Variants in SV2B observed in about 807,000 individuals in gnomAD.
SV2B encodes synaptic vesicle glycoprotein 2B.
SV2B carries 41 observed loss-of-function variants against 73.9 expected under a neutral mutation model. That is an observed-to-expected ratio of 0.56 (90% CI 0.43 to 0.72). The LOEUF is 0.72. SV2B is among the 30% of genes least tolerant of loss of function. The pLI is 0.00. For synonymous variants in SV2B, 314 were observed against 314.2 expected (o/e 1.00, Z 0.01); for missense variants, 764 against 857.8 (o/e 0.89, Z 1.37).
At chr15:91,126,619 G>T (rs2042490850) in intron 1 of SV2B, among the ~76,000 whole-genome samples, 2 of 152,122 alleles carry the variant, frequency 1.3e-5, no homozygotes, top group Non-Finnish European at 2.9e-5. Context: ...AAAAATACTA[G>T]CAAACAAAAT....
intron 1 of SV2B, among the ~76,000 whole-genome samples, chr15:91,206,544 A>G (rs977920671): frequency 6.6e-6 from 1 of 152,210 alleles, no homozygotes; most frequent in Non-Finnish European, 1.5e-5. Context: ...GATTAGAATC[A>G]GATTAAAAAC....
At chr15:91,146,763 G>T (rs2043158587) in intron 1 of SV2B, among the ~76,000 whole-genome samples, 1 of 152,130 alleles carries the variant, frequency 6.6e-6, no homozygotes, top group African/African-American at 2.4e-5. Context: ...CTCCCTCTGG[G>T]CTCTCTATGG....
chr15:91,244,825 T>C (rs547131106), intron 2 of SV2B, among the ~76,000 whole-genome samples: 6 of 152,222 alleles, frequency 3.9e-5, no homozygotes, highest in Non-Finnish European at 7.3e-5. Context: ...AGAGATGTTA[T>C]TATAGATGCA....
In SV2B at chr15:91,106,051, A is replaced by G. The variant is rs2041873744; in HGVS notation, c.-392+5688A>G. On this transcript the variant is annotated intron_variant, in intron 1 of 12. Transcript: ENST00000394232. This position sits in a 1 kb window ranked among gnomAD's most constrained non-coding sequence, Gnocchi z 4.4. Reference sequence around the variant, plus strand: ...GACAATGGATTGAGATCATGTCAAAAATAAATAAAAATAAAAAAAGATGGT... The same window carrying G: ...GACAATGGATTGAGATCATGTCAAAGATAAATAAAAATAAAAAAAGATGGT... 6.6e-6 allele frequency among the ~76,000 whole-genome samples: 1 copy of G among 152,204 alleles called. No individual in the cohort carries two copies. The highest frequency in any genetic ancestry group is 1.5e-5 in the Non-Finnish European group (1 of 68,052).
intron 1 of SV2B, among the ~76,000 whole-genome samples, chr15:91,210,030 G>T (rs2045797887): frequency 6.6e-6 from 1 of 152,094 alleles, no homozygotes; most frequent in Non-Finnish European, 1.5e-5. Context: ...ATAGAGCAGG[G>T]ATCTGTTGGA....
intron 9 of SV2B, among the ~76,000 whole-genome samples, chr15:91,272,262 C>T (rs1034176384): frequency 6.6e-6 from 1 of 152,148 alleles, no homozygotes; most frequent in African/African-American, 2.4e-5. Context: ...AATGTCAGGC[C>T]AGGCTTCCTT....
intron 6 of SV2B, among the ~76,000 whole-genome samples, chr15:91,262,311 C>G (rs2047937668): frequency 6.6e-6 from 1 of 152,174 alleles, no homozygotes; most frequent in South Asian, 2.1e-4. Context: ...AAGTGCTACA[C>G]AGACGTTAAC....
intron 1 of SV2B, among the ~76,000 whole-genome samples, chr15:91,158,710 T>TTCC (rs2043595809): frequency 1.0e-4 from 9 of 89,846 alleles, no homozygotes; most frequent in African/African-American, 1.8e-4. Flanking sequence ...TCTCCTCTCC[T>TTCC]CTCCTCTCCT....
In SV2B at chr15:91,252,657, T is replaced by A; in HGVS notation, c.784+137T>A. 1 of 926,950 alleles carries A rather than the reference T, an allele frequency of 1.1e-6. No homozygotes were observed. 57.4% of individuals were successfully genotyped at this position (926,950 alleles called of 1,614,324 possible). ...GTGACCTTGATCTTTCTTAACAACT[T>A]CTAACATTGCAGACACATTGTTAAT... On this transcript the variant is annotated intron_variant, in intron 4 of 12. Transcript: ENST00000394232. The surrounding 1 kb of genome is among the most constrained non-coding windows in gnomAD (Gnocchi z 4.6).
chr15:91,251,904 C>G lies in SV2B; in HGVS notation c.537C>G (p.Ser179Arg). 1 of 1,614,184 alleles carries G rather than the reference C, an allele frequency of 6.2e-7. No individual in the cohort carries two copies. The highest frequency in any genetic ancestry group is 8.5e-7 in the Non-Finnish European group (1 of 1,180,026). ...ADKLGRKRVL[S>R]MSLAVNASFA... The stretch of plus-strand genomic sequence containing the variant: ...AGCTGGGAAGGAAGCGAGTCCTCAG[C>G]ATGTCTCTGGCCGTCAATGCCTCCT... The change falls in exon 3 of 13, where the codon AGC becomes AGG. Residue 179 changes from serine (S) to arginine (R), a missense_variant. Transcript: ENST00000394232.
Position 91,232,527 on chromosome 15 carries a change from A to G in SV2B, c.451+5813A>G, listed in dbSNP as rs1192180696. Among the ~76,000 whole-genome samples, 2 of 152,090 alleles carry G rather than the reference A, an allele frequency of 1.3e-5. No individual in the cohort carries two copies. The highest frequency in any genetic ancestry group is 2.9e-5 in the Non-Finnish European group (2 of 68,012). Reference sequence around the variant, plus strand: ...GATAAGATGGGGCCTGTGGTTTAGGATGATCACTCTGCCCCAGTGATTTTG... The same window carrying G: ...GATAAGATGGGGCCTGTGGTTTAGGGTGATCACTCTGCCCCAGTGATTTTG... On this transcript the variant is annotated intron_variant, in intron 2 of 12. Coordinates refer to ENST00000394232, the MANE Select transcript of SV2B (RefSeq NM_001323032.3). This position sits in a 1 kb window ranked among gnomAD's most constrained non-coding sequence, Gnocchi z 4.7.
intron 9 of SV2B, among the ~76,000 whole-genome samples, chr15:91,269,124 G>A (rs139603466): frequency 1.3e-5 from 2 of 151,846 alleles, no homozygotes; most frequent in African/African-American, 4.8e-5. Flanking sequence ...AAAAAAATCA[G>A]TGGAGGATTA....
Position 91,253,439 on chromosome 15 carries a change from G to A in SV2B, c.784+919G>A, listed in dbSNP as rs547008101. Among the ~76,000 whole-genome samples, 2 of 152,312 alleles carry A rather than the reference G, an allele frequency of 1.3e-5. No individual in the cohort carries two copies. The highest frequency in any genetic ancestry group is 4.8e-5 in the African/African-American group (2 of 41,578). On this transcript the variant is annotated intron_variant, in intron 4 of 12. Coordinates refer to ENST00000394232, the MANE Select transcript of SV2B (RefSeq NM_001323032.3). This position sits in a 1 kb window ranked among gnomAD's most constrained non-coding sequence, Gnocchi z 5.0. ...CAGCTAATGGAGGCTGCATGTATATGTTTTTAAGAACAAGCTTTGGTTTAG... is the reference window on the plus strand; with the variant it reads ...CAGCTAATGGAGGCTGCATGTATATATTTTTAAGAACAAGCTTTGGTTTAG...
In SV2B at chr15:91,292,611, C is replaced by G; in HGVS notation, c.*59C>G. 6 of 1,557,896 alleles carry G rather than the reference C, an allele frequency of 3.9e-6. No homozygotes were observed. Among genetic ancestry groups the G allele is most frequent in the Non-Finnish European group, 4.3e-6 (5 of 1,152,864 alleles). On this transcript the variant is annotated 3_prime_UTR_variant, in exon 13 of 13. Transcript: ENST00000394232. ...CTTGTCCAGGACACTGAAATGCATC[C>G]ACACTTCCTGCCTATCACGGTCCGG...
Position 91,236,347 on chromosome 15 carries a change from A to G in SV2B, c.451+9633A>G, listed in dbSNP as rs143197884. Among the ~76,000 whole-genome samples, 50 of 152,328 alleles carry G rather than the reference A, an allele frequency of 3.3e-4. No individual in the cohort carries two copies. The highest frequency in any genetic ancestry group is 1.1e-3 in the African/African-American group (46 of 41,574). ...TATATTTATGCTTATATTTGCTTCC[A>G]CAATGGAAAACTTCACCAAGAACAA... is the stretch of plus-strand genomic sequence containing the variant. On this transcript the variant is annotated intron_variant, in intron 2 of 12. Transcript: ENST00000394232. This position sits in a 1 kb window ranked among gnomAD's most constrained non-coding sequence, Gnocchi z 4.1.
chr15:91,221,690 T>TGTGCACGCGC lies in SV2B; in HGVS notation c.-391-4182_-391-4181insTGCACGCGCG, dbSNP rs142861264. On this transcript the variant is annotated intron_variant, in intron 1 of 12. Transcript: ENST00000394232. ...CACCTGTGGACTATTACCAAGCATG[T>TGTGCACGCGC]GCGCACACACACACACACACACACA... Among the ~76,000 whole-genome samples, 925 of 111,038 alleles carry TGTGCACGCGC rather than the reference T, an allele frequency of 8.3e-3. 11 individuals are homozygous for TGTGCACGCGC. The highest frequency in any genetic ancestry group is 0.026 in the Middle Eastern group (5 of 194). 72.8% of individuals were successfully genotyped at this position (111,038 alleles called of 152,430 possible). A position where few individuals can be genotyped will look rare whatever the true frequency, so the allele number is the denominator to read the frequency against.
chr15:91,270,701 C>T lies in SV2B; in HGVS notation c.1373+2096C>T, dbSNP rs538242686. ...ACTCTGTCATTTTAACTTTGCTCAG[C>T]TTCTCCGGGCTTTCAGCAAACTGCT... On this transcript the variant is annotated intron_variant, in intron 9 of 12. Transcript: ENST00000394232. Among the ~76,000 whole-genome samples the T allele has an allele frequency of 6.0e-4, 91 of 152,288 alleles. 2 individuals are homozygous for T. Among genetic ancestry groups the T allele is most frequent in the African/African-American group, 2.0e-3 (85 of 41,544 alleles).
At chr15:91,270,982 C>G (rs62026606) in intron 9 of SV2B, among the ~76,000 whole-genome samples, 1 of 101,596 alleles carries the variant, frequency 9.8e-6, no homozygotes, top group African/African-American at 5.3e-5. Flanking sequence ...GATGGGCGGA[C>G]GGTGAGTCCT....
Position 91,284,011 on chromosome 15 carries a change from C to T in SV2B, c.1508-10C>T, listed in dbSNP as rs774201938. 2.5e-6 allele frequency: 4 copies of T among 1,614,092 alleles called. No individual in the cohort carries two copies. In the Admixed American group the frequency reaches 6.7e-5, roughly 27 times the overall value. On this transcript the variant is annotated splice_polypyrimidine_tract_variant and intron_variant, in intron 10 of 12. Transcript: ENST00000394232. This position sits in a 1 kb window ranked among gnomAD's most constrained non-coding sequence, Gnocchi z 4.5. ...ACTTACATGAACCGAAGGTTTCCTT[C>T]TCTCCCCAGACCTCTACGAGCACAA...
Sources: gnomAD v4.1 joint callset for allele counts (sites outside exome capture counted in the v4.1 genomes callset) on GRCh38, gnomAD v4.1.1 for gene constraint, Gnocchi (gnomAD v3.1) non-coding constraint, MANE v1.5 for transcripts, NCBI Gene and HGNC (gene_info 2026-07-23, HGNC 2026-07-21) for gene names.